DPYSL5: variants seen among roughly 807,000 people sequenced by gnomAD.
The protein encoded by DPYSL5 is dihydropyrimidinase like 5, also known as dihydropyrimidinase-related protein 5.
In DPYSL5, 9 loss-of-function variants were observed where a neutral mutation model predicts 58.4. That is an observed-to-expected ratio of 0.15 (90% CI 0.09 to 0.27). DPYSL5 has a LOEUF of 0.27. Among genes scored for constraint, DPYSL5 ranks in the 10% least tolerant of loss-of-function variants. The pLI is 1.00. For synonymous variants in DPYSL5, 293 were observed against 301.9 expected (o/e 0.97, Z 0.31); for missense variants, 499 against 770.6 (o/e 0.65, Z 4.17).
At chr2:26,907,091 C>T (rs1043120630) in intron 2 of DPYSL5, among the ~76,000 whole-genome samples, 2 of 148,378 alleles carry the variant, frequency 1.3e-5, no homozygotes, top group Admixed American at 1.4e-4. Flanking sequence ...TAAAACTCCA[C>T]ATTTACATTT....
chr2:26,940,515 T>C (rs1302655852), intron 9 of DPYSL5, among the ~76,000 whole-genome samples: 1 of 112,652 alleles, frequency 8.9e-6, no homozygotes, highest in East Asian at 2.6e-4. Context: ...TTTTTTTTTT[T>C]TCCTTTTTTA....
At chr2:26,941,564 G>A (rs1665323038) in intron 9 of DPYSL5, among the ~76,000 whole-genome samples, 1 of 152,186 alleles carries the variant, frequency 6.6e-6, no homozygotes, top group African/African-American at 2.4e-5. Context: ...CATGGGTGGG[G>A]CAATAAGATG....
chr2:26,872,168 TGAG>T, intron 1 of DPYSL5, among the ~76,000 whole-genome samples: 2 of 152,294 alleles, frequency 1.3e-5, no homozygotes, highest in South Asian at 4.1e-4. Flanking sequence ...AGCACTGGGC[TGAG>T]GAGAGAGGAG....
intron 1 of DPYSL5, among the ~76,000 whole-genome samples, chr2:26,870,708 CAA>C (rs576919628): frequency 4.6e-4 from 37 of 80,356 alleles, no homozygotes; most frequent in Admixed American, 4.5e-4. Context: ...GACTCTGTCT[CAA>C]AAAAAAAAAA....
At chr2:26,858,473 G>C (rs1341919617) in intron 1 of DPYSL5, among the ~76,000 whole-genome samples, 1 of 151,902 alleles carries the variant, frequency 6.6e-6, no homozygotes, top group Non-Finnish European at 1.5e-5. Flanking sequence ...ACCCAGCCCA[G>C]ACTTAACATT....
At chr2:26,906,382 C>T (rs901029520) in intron 2 of DPYSL5, among the ~76,000 whole-genome samples, 1 of 151,962 alleles carries the variant, frequency 6.6e-6, no homozygotes, top group African/African-American at 2.4e-5. Context: ...TGAGGTTTCA[C>T]CATGTTGGCC....
chr2:26,936,983 C>T (rs1175676961), intron 8 of DPYSL5, among the ~76,000 whole-genome samples: 1 of 112,008 alleles, frequency 8.9e-6, no homozygotes, highest in Non-Finnish European at 1.9e-5. Context: ...GAAGAATCAA[C>T]CTCCTTTTCA....
In DPYSL5 at chr2:26,948,076, CA is replaced by C. The variant is rs1471170719; in HGVS notation, c.*1082del. On this transcript the variant is annotated 3_prime_UTR_variant, in exon 13 of 13. Coordinates refer to ENST00000288699, the MANE Select transcript of DPYSL5 (RefSeq NM_020134.4). Reference sequence around the variant, plus strand: ...CTTCCCCTGTCTTCACCTGCCACCACACACACACACACACACACACACACAC... The same window carrying C: ...CTTCCCCTGTCTTCACCTGCCACCACCACACACACACACACACACACACAC... 3 of 33,322 alleles carry C rather than the reference CA, an allele frequency of 9.0e-5. No individual in the cohort carries two copies. The highest frequency in any genetic ancestry group is 2.5e-4 in the Non-Finnish European group (3 of 12,226). The allele number at this position is 33,322 out of a possible 1,614,324, so 2.1% of individuals were successfully genotyped here.
intron 1 of DPYSL5, among the ~76,000 whole-genome samples, chr2:26,851,596 C>G (rs1665756571): frequency 6.6e-6 from 1 of 152,062 alleles, no homozygotes. Flanking sequence ...TGCATTAGCT[C>G]CACGGGACTA....
chr2:26,864,783 G>T (rs578139746), intron 1 of DPYSL5, among the ~76,000 whole-genome samples: 2 of 152,280 alleles, frequency 1.3e-5, no homozygotes, highest in South Asian at 2.1e-4. Context: ...GGAGGCTTGG[G>T]CAGCAGGGGA....
At chr2:26,929,689 A>T (rs1414942009) in intron 5 of DPYSL5, among the ~76,000 whole-genome samples, 1 of 152,188 alleles carries the variant, frequency 6.6e-6, no homozygotes, top group Non-Finnish European at 1.5e-5. Flanking sequence ...TCCACCAAAA[A>T]CAGGAGACAC....
At chr2:26,936,096 T>C (rs977785026) in intron 8 of DPYSL5, among the ~76,000 whole-genome samples, 1 of 152,124 alleles carries the variant, frequency 6.6e-6, no homozygotes, top group Non-Finnish European at 1.5e-5. Context: ...GCCCTCCTTG[T>C]CTTCAGGGTG....
rs535837414 is a variant in DPYSL5 at position 26,894,304 on chromosome 2, A to G, written c.-4-4192A>G. Among the ~76,000 whole-genome samples the G allele has an allele frequency of 7.3e-5, 11 of 151,720 alleles. No homozygotes were observed. The East Asian group carries it at 2.1e-3, about 29-fold the overall frequency. ...ACATCTTCACACTCTTCTCAAATCC[A>G]CTCATTCTGTACCACTCCCACGAGC... On this transcript the variant is annotated intron_variant, in intron 1 of 12. Transcript: ENST00000288699.
rs1665077718 is a variant in DPYSL5 at position 26,933,138 on chromosome 2, G to A, written c.715-120G>A. 3.6e-6 allele frequency: 3 copies of A among 842,734 alleles called. No homozygotes were observed. Among genetic ancestry groups the A allele is most frequent in the Non-Finnish European group, 2.0e-6 (1 of 489,340 alleles). The allele number at this position is 842,734 out of a possible 1,614,324, so 52.2% of individuals were successfully genotyped here. A position where few individuals can be genotyped will look rare whatever the true frequency, so the allele number is the denominator to read the frequency against. Reference sequence around the variant, plus strand: ...CCGCTTAAGGACTGTCACCTTGAGGGTGGGGTTGAGTGACGCAGGGGGAGG... The same window carrying A: ...CCGCTTAAGGACTGTCACCTTGAGGATGGGGTTGAGTGACGCAGGGGGAGG... On this transcript the variant is annotated intron_variant, in intron 6 of 12. Transcript: ENST00000288699. The surrounding 1 kb of genome is among the most constrained non-coding windows in gnomAD (Gnocchi z 4.2).
At chr2:26,857,364 C>A (rs1572669465) in intron 1 of DPYSL5, among the ~76,000 whole-genome samples, 1 of 152,054 alleles carries the variant, frequency 6.6e-6, no homozygotes, top group African/African-American at 2.4e-5. Context: ...TATAGCGAAA[C>A]CCCGTCTCTA....
intron 2 of DPYSL5, among the ~76,000 whole-genome samples, chr2:26,921,190 T>C (rs538747685): frequency 6.6e-6 from 1 of 152,258 alleles, no homozygotes; most frequent in Admixed American, 6.5e-5. Flanking sequence ...TTATTTCATG[T>C]TGTCAGGAAG....
chr2:26,914,586 C>T lies in DPYSL5; in HGVS notation c.262-10301C>T, dbSNP rs572554688. Among the ~76,000 whole-genome samples the T allele has an allele frequency of 1.5e-3, 222 of 152,306 alleles. 1 individual carries two copies. The highest frequency in any genetic ancestry group is 2.7e-3 in the Non-Finnish European group (183 of 68,012). On this transcript the variant is annotated intron_variant, in intron 2 of 12. Transcript: ENST00000288699. ...CTACAGCTTACCAATCAGGCCTGTT[C>T]TTTATTGATGAGGCTGAAGGGAGGA...
intron 1 of DPYSL5, among the ~76,000 whole-genome samples, chr2:26,892,038 T>C (rs1398159602): frequency 6.6e-6 from 1 of 152,178 alleles, no homozygotes; most frequent in Non-Finnish European, 1.5e-5. Flanking sequence ...TTATGTAAAA[T>C]TTGAAAAATA....
At chr2:26,879,335 T>G (rs1005937425) in intron 1 of DPYSL5, among the ~76,000 whole-genome samples, 1 of 151,974 alleles carries the variant, frequency 6.6e-6, no homozygotes, top group Non-Finnish European at 1.5e-5. Context: ...AATAAAAACA[T>G]TAGCCCAGTG....
Sources: gnomAD v4.1 joint callset for allele counts (sites outside exome capture counted in the v4.1 genomes callset) on GRCh38, gnomAD v4.1.1 for gene constraint, Gnocchi (gnomAD v3.1) non-coding constraint, MANE v1.5 for transcripts, NCBI Gene and HGNC (gene_info 2026-07-23, HGNC 2026-07-21) for gene names.